The following TLN2 variants were observed in gnomAD, a reference collection of about 807,000 sequenced individuals.
TLN2 encodes talin-2.
TLN2 carries 118 observed loss-of-function variants against 294.7 expected under a neutral mutation model. The observed-to-expected ratio is 0.40, with a 90% CI of 0.34 to 0.47. The LOEUF is 0.47. Among genes scored for constraint, TLN2 ranks in the 20% least tolerant of loss-of-function variants. The pLI is 0.84. For missense variants in TLN2, 3,083 were observed against 3,282.2 expected (o/e 0.94, Z 1.48); for synonymous variants, 1,431 against 1,304.5 (o/e 1.10, Z -2.09).
intron 25 of TLN2, among the ~76,000 whole-genome samples, chr15:62,722,114 T>A (rs2060183947): frequency 6.6e-6 from 1 of 152,214 alleles, no homozygotes; most frequent in South Asian, 2.1e-4. Context: ...ATTCTAATTT[T>A]GCCTCCTCTA....
chr15:62,643,362 C>G (rs1487242174), intron 3 of TLN2, among the ~76,000 whole-genome samples: 1 of 148,048 alleles, frequency 6.8e-6, no homozygotes, highest in African/African-American at 2.5e-5. Context: ...TAGTCTTACA[C>G]TCGTGTGCAG....
chr15:62,394,758 T>C (rs549118929), intron 1 of TLN2, among the ~76,000 whole-genome samples: 1 of 152,304 alleles, frequency 6.6e-6, no homozygotes, highest in East Asian at 1.9e-4. Context: ...CTCTTGTGTG[T>C]TGACCACCCT....
At position 62,771,041 on chromosome 15, in the gene TLN2, G is replaced by T. The variant is rs1323104344; in HGVS notation, c.5274G>T (p.Gln1758His). ...VGVASKILDHQQQMTVLDQTK... is the reference protein window; with the variant it reads ...VGVASKILDHHQQMTVLDQTK... ...TGGCCTCCAAGATTCTTGATCATCA[G>T]CAGCAGATGACGGTGCTGGACCAGA... The change falls in exon 42 of 59, where the codon CAG (glutamine) becomes CAT (histidine). Residue 1758 changes from glutamine to histidine, a missense_variant. Transcript: ENST00000636159. 1.2e-6 allele frequency: 2 copies of T among 1,612,796 alleles called. No individual in the cohort carries two copies. Among genetic ancestry groups the T allele is most frequent in the East Asian group, 2.2e-5 (1 of 44,800 alleles).
chr15:62,513,367 G>T (rs1370534949), intron 1 of TLN2, among the ~76,000 whole-genome samples: 2 of 152,202 alleles, frequency 1.3e-5, no homozygotes, highest in African/African-American at 4.8e-5. Context: ...CTGCCTGCCA[G>T]GTGGGAAGTG....
At chr15:62,781,285 T>C (rs1434711693) in intron 44 of TLN2, 44 bp downstream of exon 44, 1 of 1,483,894 alleles carries the variant, frequency 6.7e-7, no homozygotes, top group Admixed American at 1.7e-5. Context: ...GTTTGCCTTT[T>C]TATCCACTGC....
At chr15:62,581,901 G>A (rs929219065) in intron 1 of TLN2, among the ~76,000 whole-genome samples, 1 of 151,860 alleles carries the variant, frequency 6.6e-6, no homozygotes, top group African/African-American at 2.4e-5. Flanking sequence ...AAAATTAGCC[G>A]GGCGTAGTGG....
intron 15 of TLN2, among the ~76,000 whole-genome samples, 170 bp from the exon 16 acceptor site, chr15:62,698,584 A>G (rs1023709261): frequency 6.6e-6 from 1 of 152,204 alleles, no homozygotes; most frequent in African/African-American, 2.4e-5. Context: ...ATAATGCAGT[A>G]TCTATTTCTG....
intron 9 of TLN2, 35 bp downstream of exon 9, chr15:62,657,933 C>G: frequency 6.3e-7 from 1 of 1,584,208 alleles, no homozygotes; most frequent in Non-Finnish European, 8.6e-7. Flanking sequence ...TTTCTCTTTT[C>G]TCCTGTCTTC....
intron 1 of TLN2, among the ~76,000 whole-genome samples, chr15:62,570,116 A>T (rs2043742831): frequency 6.6e-6 from 1 of 152,240 alleles, no homozygotes; most frequent in East Asian, 1.9e-4. Context: ...GAAAATACTA[A>T]CAAGATTGCC....
At chr15:62,440,164 G>A (rs181700205) in intron 1 of TLN2, among the ~76,000 whole-genome samples, 4 of 152,272 alleles carry the variant, frequency 2.6e-5, no homozygotes, top group Admixed American at 2.0e-4. Flanking sequence ...CTGTCTCCTC[G>A]ATCTCGTGGT....
At chr15:62,403,953 C>T (rs2033213115) in intron 1 of TLN2, among the ~76,000 whole-genome samples, 1 of 152,196 alleles carries the variant, frequency 6.6e-6, no homozygotes, top group Non-Finnish European at 1.5e-5. Context: ...GAGAAATCAT[C>T]TCTGCCGCTG....
Position 62,736,050 on chromosome 15 carries a change from C to T in TLN2, c.3359-828C>T, listed in dbSNP as rs577766149. 1.1e-4 allele frequency among the ~76,000 whole-genome samples: 17 copies of T among 152,246 alleles called. No homozygotes were observed. The East Asian group carries it at 1.4e-3, about 12-fold the overall frequency. On this transcript the variant is annotated intron_variant, in intron 28 of 58. Coordinates refer to ENST00000636159, the MANE Select transcript of TLN2 (RefSeq NM_015059.3). Reference sequence around the variant, plus strand: ...GTAAAAGGCTGGGCGCAGTGGCTGACGCCTGTAATCCCAGCACTTTGGGAG... The same window carrying T: ...GTAAAAGGCTGGGCGCAGTGGCTGATGCCTGTAATCCCAGCACTTTGGGAG...
At chr15:62,482,650 G>T (rs1313405232) in intron 1 of TLN2, among the ~76,000 whole-genome samples, 1 of 148,252 alleles carries the variant, frequency 6.7e-6, no homozygotes, top group African/African-American at 2.5e-5. Flanking sequence ...CTCCAACCAT[G>T]AGGGCCCTCA....
chr15:62,582,235 CACACACACA>C lies in TLN2; in HGVS notation c.-237-7451_-237-7443del, dbSNP rs1567138790. Among the ~76,000 whole-genome samples the C allele has an allele frequency of 1.9e-3, 268 of 140,188 alleles. 10 individuals are homozygous for C. In the East Asian group the frequency reaches 0.047, roughly 24 times the overall value. The allele number at this position is 140,188 out of a possible 152,430, so 92.0% of individuals were successfully genotyped here. A position where few individuals can be genotyped will look rare whatever the true frequency, so the allele number is the denominator to read the frequency against. On this transcript the variant is annotated intron_variant, in intron 1 of 58. Transcript: ENST00000636159. ...ACACACACACACACACACACACACA[CACACACACA>C]CACATTCATGCCTGACCCATTCCTG...
chr15:62,476,710 T>G (rs2037801314), intron 1 of TLN2, among the ~76,000 whole-genome samples: 1 of 152,174 alleles, frequency 6.6e-6, no homozygotes, highest in South Asian at 2.1e-4. Flanking sequence ...ACCACTTTCC[T>G]CTCTTTCACT....
rs374848189 is a variant in TLN2 at position 62,652,260 on chromosome 15, A to G, written c.364+126A>G. 9.1e-5 allele frequency: 93 copies of G among 1,021,642 alleles called. No individual in the cohort carries two copies. In the South Asian group the frequency reaches 2.9e-3, roughly 32 times the overall value. The allele number at this position is 1,021,642 out of a possible 1,614,324, so 63.3% of individuals were successfully genotyped here. A position where few individuals can be genotyped will look rare whatever the true frequency, so the allele number is the denominator to read the frequency against. On this transcript the variant is annotated intron_variant, in intron 6 of 58. Transcript: ENST00000636159. ...TGTCTTAACACGCCGAGTTCTGCCTAATCCCCAGAGGGTGTGTCCATTCTC... is the reference window on the plus strand; with the variant it reads ...TGTCTTAACACGCCGAGTTCTGCCTGATCCCCAGAGGGTGTGTCCATTCTC...
intron 20 of TLN2, 64 bp from the exon 21 acceptor site, chr15:62,708,438 G>A (rs1188002712): frequency 6.4e-7 from 1 of 1,551,166 alleles, no homozygotes; most frequent in Non-Finnish European, 8.8e-7. Context: ...GGGACTGCGG[G>A]GGCACATGGA....
At chr15:62,606,253 T>C (rs1473940685) in intron 2 of TLN2, among the ~76,000 whole-genome samples, 2 of 150,992 alleles carry the variant, frequency 1.3e-5, no homozygotes, top group African/African-American at 4.9e-5. Context: ...GGCTAATTTT[T>C]TTTTTTTTTT....
intron 37 of TLN2, among the ~76,000 whole-genome samples, chr15:62,756,415 CA>C (rs2062253996): frequency 6.6e-6 from 1 of 152,126 alleles, no homozygotes; most frequent in Non-Finnish European, 1.5e-5. Context: ...AAGCAGGCAG[CA>C]GGCAGCTGAC....
Sources: allele counts gnomAD v4.1 joint callset (sites outside exome capture counted in the v4.1 genomes callset), GRCh38; gene constraint gnomAD v4.1.1; transcripts MANE v1.5; gene names NCBI Gene and HGNC (gene_info 2026-07-23, HGNC 2026-07-21).